BTG4: variants seen among roughly 807,000 people sequenced by gnomAD.
The protein encoded by BTG4 is protein BTG4.
BTG4 carries 10 observed loss-of-function variants against 19.3 expected under a neutral mutation model. The ratio of observed to expected loss-of-function variants is 0.52; its 90% CI spans 0.32 to 0.88. BTG4 has a LOEUF of 0.88. Ranked by LOEUF, BTG4 falls within the 40% of genes least tolerant of loss-of-function variation. BTG4 has a pLI of 0.04. For missense variants in BTG4, 238 were observed against 281.9 expected, an observed-to-expected ratio of 0.84 and a Z score of 1.11; for synonymous variants, 91 against 95.7, an observed-to-expected ratio of 0.95 and a Z score of 0.29.
At chr11:111,460,743 G>T in the BTG4 span, among the ~76,000 whole-genome samples, 1 of 152,154 alleles carries the variant, frequency 6.6e-6, no homozygotes, top group South Asian at 2.1e-4. Flanking sequence ...TCTCAGACAT[G>T]GGATATAATC....
chr11:111,455,698 G>T, the BTG4 span: 1 of 408,404 alleles, frequency 2.4e-6, no homozygotes. Flanking sequence ...AGGGGGTCCC[G>T]GAACTGGCCA....
the BTG4 span, among the ~76,000 whole-genome samples, chr11:111,433,007 G>T: frequency 6.6e-6 from 1 of 152,004 alleles, no homozygotes; most frequent in African/African-American, 2.4e-5. Context: ...TAATATATCT[G>T]TCTCCCCTGG....
chr11:111,434,257 T>C, the BTG4 span, among the ~76,000 whole-genome samples: 4 of 152,198 alleles, frequency 2.6e-5, no homozygotes, highest in Non-Finnish European at 4.4e-5. Flanking sequence ...TGCAGGGACA[T>C]GGATGAAGCT....
the BTG4 span, among the ~76,000 whole-genome samples, chr11:111,461,641 G>A: frequency 6.6e-6 from 1 of 150,688 alleles, no homozygotes; most frequent in Non-Finnish European, 1.5e-5. Flanking sequence ...TTGAACCTGG[G>A]AGGCAGAGGT....
chr11:111,455,906 G>GC, the BTG4 span: 11 of 431,406 alleles, frequency 2.5e-5, no homozygotes, highest in African/African-American at 1.8e-4. Flanking sequence ...CTCAGCCAGG[G>GC]CCCCCCAGGA....
At chr11:111,425,493 A>G in the BTG4 span, among the ~76,000 whole-genome samples, 1 of 152,212 alleles carries the variant, frequency 6.6e-6, no homozygotes, top group African/African-American at 2.4e-5. Flanking sequence ...ACAGTTTTTA[A>G]TGCTGCAAGG....
At chr11:111,507,444 C>T (rs1323833164) in intron 1 of BTG4, among the ~76,000 whole-genome samples, 1 of 151,820 alleles carries the variant, frequency 6.6e-6, no homozygotes, top group Admixed American at 6.6e-5. Context: ...AGTAGTAGGA[C>T]AAGGCCAAGA....
the BTG4 span, among the ~76,000 whole-genome samples, chr11:111,447,033 C>T: frequency 2.0e-5 from 3 of 152,340 alleles, no homozygotes; most frequent in South Asian, 6.2e-4. Flanking sequence ...TGTCCCCCCA[C>T]AGGTAGTCTC....
the BTG4 span, chr11:111,455,018 G>A: frequency 2.2e-6 from 1 of 456,340 alleles, no homozygotes; most frequent in Non-Finnish European, 4.4e-6. Flanking sequence ...CAGCAGCTGT[G>A]GGGAACAAGG....
At chr11:111,388,058 G>T in the BTG4 span, among the ~76,000 whole-genome samples, 2 of 152,146 alleles carry the variant, frequency 1.3e-5, no homozygotes, top group African/African-American at 4.8e-5. Flanking sequence ...CAAACTTTGT[G>T]CTGGAAATAA....
the BTG4 span, among the ~76,000 whole-genome samples, chr11:111,422,680 G>A: frequency 3.3e-5 from 5 of 152,148 alleles, no homozygotes; most frequent in Non-Finnish European, 7.3e-5. Flanking sequence ...AGGTGCAGAG[G>A]ATCAGCCAGG....
chr11:111,385,999 A>C, the BTG4 span: 1 of 152,134 alleles, frequency 6.6e-6, no homozygotes, highest in Admixed American at 6.6e-5. Context: ...CCCCATTTCC[A>C]CAAAAAAATT....
chr11:111,418,206 C>T, the BTG4 span: 1 of 152,250 alleles, frequency 6.6e-6, no homozygotes, highest in African/African-American at 2.4e-5. Context: ...CATCTGACTG[C>T]TGTGGGACCT....
the BTG4 span, among the ~76,000 whole-genome samples, chr11:111,403,198 A>T: frequency 3.3e-5 from 5 of 152,202 alleles, no homozygotes. Flanking sequence ...AGAAACCCTC[A>T]AAGTAGAGCC....
the BTG4 span, chr11:111,455,348 G>A: frequency 3.7e-3 from 1,059 of 285,206 alleles, 7 homozygotes; most frequent in African/African-American, 0.017. Flanking sequence ...TGGCTGTAGC[G>A]CCTGCAGGTG....
the BTG4 span, chr11:111,456,555 C>T: frequency 2.6e-5 from 12 of 456,346 alleles, no homozygotes; most frequent in East Asian, 8.3e-4. This position sits in a 1 kb window ranked among gnomAD's most constrained non-coding sequence, Gnocchi z 4.2. Context: ...TCAGTGTGAA[C>T]CCCGTCACCA....
At chr11:111,454,231 C>T in the BTG4 span, 63 of 450,400 alleles carry the variant, frequency 1.4e-4, 1 homozygote, top group South Asian at 9.9e-4. Context: ...CTCCGACCCC[C>T]ACAGGTGGGA....
the BTG4 span, among the ~76,000 whole-genome samples, chr11:111,447,931 C>G: frequency 2.6e-5 from 4 of 152,204 alleles, no homozygotes; most frequent in Non-Finnish European, 5.9e-5. Flanking sequence ...CATAGTGTTG[C>G]TGGCACTGGG....
the BTG4 span, among the ~76,000 whole-genome samples, chr11:111,425,496 C>T: frequency 6.6e-6 from 1 of 152,122 alleles, no homozygotes; most frequent in East Asian, 1.9e-4. Flanking sequence ...GTTTTTAATG[C>T]TGCAAGGTTA....
Sources: allele counts gnomAD v4.1 joint callset (sites outside exome capture counted in the v4.1 genomes callset), GRCh38; gene constraint gnomAD v4.1.1; non-coding constraint Gnocchi (gnomAD v3.1); transcripts MANE v1.5; gene names NCBI Gene and HGNC (gene_info 2026-07-23, HGNC 2026-07-21).